CTNNA3: variants seen among roughly 807,000 people sequenced by gnomAD.
The protein encoded by CTNNA3 is catenin alpha 3, also known as catenin alpha-3.
A neutral mutation model predicts 95.7 loss-of-function variants in CTNNA3; 76 were observed. The observed-to-expected ratio is 0.79, with a 90% CI of 0.66 to 0.96. The LOEUF is 0.96. Ranked by LOEUF, CTNNA3 falls within the 40% of genes least tolerant of loss-of-function variation. The pLI, the probability that CTNNA3 is intolerant of heterozygous loss-of-function variation, is 0.00. For missense variants in CTNNA3, 1,191 were observed against 1,089.8 expected (o/e 1.09, Z -1.31); for synonymous variants, 431 against 374.4 (o/e 1.15, Z -1.74).
chr10:66,518,815 A>AT (rs972779282), intron 11 of CTNNA3, among the ~76,000 whole-genome samples: 1 of 151,982 alleles, frequency 6.6e-6, no homozygotes, highest in South Asian at 2.1e-4. Flanking sequence ...AAGGCCATTA[A>AT]TTTTTTTTCC....
intron 7 of CTNNA3, among the ~76,000 whole-genome samples, chr10:66,882,617 C>T (rs1245831794): frequency 1.3e-5 from 2 of 152,134 alleles, no homozygotes; most frequent in East Asian, 3.9e-4. Context: ...TTAAAAGCAA[C>T]ACTGTGAATC....
chr10:67,608,092 G>A lies in CTNNA3; in HGVS notation c.100-1043C>T, dbSNP rs545201584. ...AAGGCCTCTTGACAGGGGACTTTGA[G>A]TGAGACCTGTTTGAGAGGCCAAATG... On this transcript the variant is annotated intron_variant, in intron 2 of 17. Coordinates refer to ENST00000433211, the MANE Select transcript of CTNNA3 (RefSeq NM_013266.4). Among the ~76,000 whole-genome samples, 121 of 152,302 alleles carry A rather than the reference G, an allele frequency of 7.9e-4. 1 individual carries two copies. The highest frequency in any genetic ancestry group is 2.7e-3 in the African/African-American group (114 of 41,566).
intron 13 of CTNNA3, among the ~76,000 whole-genome samples, chr10:66,135,649 A>T (rs939152401): frequency 1.8e-4 from 27 of 152,204 alleles, no homozygotes; most frequent in Non-Finnish European, 3.1e-4. Flanking sequence ...AACAACAAGG[A>T]TGTTACTATG....
chr10:66,174,274 T>C (rs2085591372), intron 13 of CTNNA3, among the ~76,000 whole-genome samples: 2 of 152,120 alleles, frequency 1.3e-5, no homozygotes, highest in South Asian at 2.1e-4. Context: ...TGGAAAAAGT[T>C]TGGAAAATGG....
intron 5 of CTNNA3, among the ~76,000 whole-genome samples, chr10:67,362,976 C>T (rs921168267): frequency 1.3e-5 from 2 of 151,868 alleles, no homozygotes; most frequent in African/African-American, 4.8e-5. Flanking sequence ...CTCAAGCTGA[C>T]ATCCAAATCA....
Position 67,744,221 on chromosome 10 carries a change from C to T in CTNNA3, c.-2+19213G>A, listed in dbSNP as rs1023320255. ...TCAGTCCTAAGCCAAAAGAACAAAG[C>T]TGGAGGCATCACACTACCTGACTTC... On this transcript the variant is annotated intron_variant, in intron 1 of 17. Transcript: ENST00000684154. Among the ~76,000 whole-genome samples, 7 of 151,242 alleles carry T rather than the reference C, an allele frequency of 4.6e-5. 1 individual carries two copies. Among genetic ancestry groups the T allele is most frequent in the South Asian group, 4.3e-4 (2 of 4,690 alleles).
intron 12 of CTNNA3, among the ~76,000 whole-genome samples, chr10:66,340,617 T>A (rs2092443753): frequency 1.3e-5 from 2 of 151,778 alleles, no homozygotes; most frequent in South Asian, 4.1e-4. Context: ...TATTAAGCAA[T>A]TGCAGTAATT....
intron 9 of CTNNA3, among the ~76,000 whole-genome samples, chr10:66,659,660 A>G (rs570593832): frequency 6.6e-6 from 1 of 152,184 alleles, no homozygotes; most frequent in Non-Finnish European, 1.5e-5. Flanking sequence ...CAGAGCCCTC[A>G]TGAATGGGAT....
At chr10:67,138,696 C>G (rs1296731840) in intron 7 of CTNNA3, among the ~76,000 whole-genome samples, 1 of 152,164 alleles carries the variant, frequency 6.6e-6, no homozygotes, top group Non-Finnish European at 1.5e-5. Context: ...GCCAGCTTCT[C>G]AGATGATTTG....
intron 5 of CTNNA3, among the ~76,000 whole-genome samples, chr10:67,226,859 G>C (rs10082415): frequency 6.6e-6 from 1 of 151,872 alleles, no homozygotes; most frequent in African/African-American, 2.4e-5. Context: ...AGACAACAAA[G>C]AGCATGATGA....
At chr10:66,331,953 T>G (rs2092335813) in intron 12 of CTNNA3, among the ~76,000 whole-genome samples, 1 of 152,056 alleles carries the variant, frequency 6.6e-6, no homozygotes, top group Non-Finnish European at 1.5e-5. Context: ...GTTCTTCCAT[T>G]TGTTTGTATC....
At chr10:66,065,137 T>C (rs1164735232) in intron 15 of CTNNA3, among the ~76,000 whole-genome samples, 2 of 152,092 alleles carry the variant, frequency 1.3e-5, no homozygotes, top group Non-Finnish European at 2.9e-5. Context: ...GTCTTTACCC[T>C]GGGTGGCCAA....
chr10:66,825,335 G>A (rs1247319228), intron 7 of CTNNA3, among the ~76,000 whole-genome samples: 1 of 150,322 alleles, frequency 6.7e-6, no homozygotes, highest in Non-Finnish European at 1.5e-5. Flanking sequence ...GAGTGTGGTG[G>A]TGCAATCTCA....
chr10:67,672,673 T>C (rs1840460250), intron 1 of CTNNA3, among the ~76,000 whole-genome samples: 1 of 152,194 alleles, frequency 6.6e-6, no homozygotes, highest in Non-Finnish European at 1.5e-5. Context: ...TGGTTGTAGA[T>C]ATGAGGCATT....
At chr10:67,002,201 C>G (rs1323632580) in intron 7 of CTNNA3, among the ~76,000 whole-genome samples, 3 of 152,062 alleles carry the variant, frequency 2.0e-5, no homozygotes, top group Non-Finnish European at 2.9e-5. Flanking sequence ...TAAACAGAGT[C>G]GAATGGGAAG....
intron 5 of CTNNA3, among the ~76,000 whole-genome samples, chr10:67,446,193 C>T (rs1846741058): frequency 6.6e-6 from 1 of 152,148 alleles, no homozygotes; most frequent in Admixed American, 6.5e-5. Context: ...CCTCATTTAA[C>T]TTAAGCCTAC....
chr10:65,977,812 T>C (rs754497790), intron 16 of CTNNA3, among the ~76,000 whole-genome samples: 1 of 151,802 alleles, frequency 6.6e-6, no homozygotes, highest in African/African-American at 2.4e-5. Flanking sequence ...AATAAATAAA[T>C]AAATAAAACG....
rs572960102 is a variant in CTNNA3, at chr10:66,592,277, G to A, written c.1374+29415C>T. On this transcript the variant is annotated intron_variant, in intron 10 of 17. Transcript: ENST00000433211. ...CAAATAAAATAAGATCATGAAAAAA[G>A]TATTTATCACAGTTTTTAGGAAACA... Among the ~76,000 whole-genome samples the A allele has an allele frequency of 1.5e-3, 234 of 151,890 alleles. 1 individual carries two copies. Among genetic ancestry groups the A allele is most frequent in the African/African-American group, 5.5e-3 (226 of 41,288 alleles).
intron 13 of CTNNA3, among the ~76,000 whole-genome samples, chr10:66,203,021 C>T (rs1380390027): frequency 6.6e-6 from 1 of 152,174 alleles, no homozygotes; most frequent in South Asian, 2.1e-4. Flanking sequence ...CTGGTCTCCA[C>T]TGCTGAGGTC....
Sources: gnomAD v4.1 joint callset for allele counts (sites outside exome capture counted in the v4.1 genomes callset) on GRCh38, gnomAD v4.1.1 for gene constraint, MANE v1.5 for transcripts, NCBI Gene and HGNC (gene_info 2026-07-23, HGNC 2026-07-21) for gene names.